Variants in ADAMTSL1 observed in about 807,000 individuals in gnomAD.
ADAMTSL1 encodes ADAMTS like 1.
A neutral mutation model predicts 201.8 loss-of-function variants in ADAMTSL1; 126 were observed. That is an observed-to-expected ratio of 0.62 (90% CI 0.54 to 0.72). The LOEUF is 0.72. ADAMTSL1 is among the 30% of genes least tolerant of loss of function. The pLI, the probability that ADAMTSL1 is intolerant of heterozygous loss-of-function variation, is 0.00. For synonymous variants in ADAMTSL1, 1,121 were observed against 903.4 expected, an observed-to-expected ratio of 1.24 and a Z score of -4.32; for missense variants, 2,679 against 2,277.8, an observed-to-expected ratio of 1.18 and a Z score of -3.59.
intron 25 of ADAMTSL1, chr9:18,890,607 T>C (rs968779183): frequency 2.2e-5 from 10 of 455,818 alleles, no homozygotes; most frequent in African/African-American, 2.0e-4. Flanking sequence ...ATATGAAACA[T>C]GCTCATTAAT....
chr9:18,072,596 T>C (rs943261168), intron 1 of ADAMTSL1, among the ~76,000 whole-genome samples: 7 of 152,254 alleles, frequency 4.6e-5, no homozygotes, highest in African/African-American at 9.6e-5. Flanking sequence ...ATCTCACAAA[T>C]AATGTTCCTT....
chr9:18,076,077 G>T (rs1823211285), intron 1 of ADAMTSL1, among the ~76,000 whole-genome samples: 1 of 152,184 alleles, frequency 6.6e-6, no homozygotes, highest in Non-Finnish European at 1.5e-5. Context: ...TTAGGTTCCT[G>T]TTTGGTTTCT....
intron 3 of ADAMTSL1, among the ~76,000 whole-genome samples, chr9:18,554,543 G>A (rs974881386): frequency 6.6e-6 from 1 of 151,682 alleles, no homozygotes; most frequent in Non-Finnish European, 1.5e-5. Context: ...TAAGTGAATT[G>A]TTTCCCAAAT....
chr9:17,977,105 T>C (rs944203956), intron 1 of ADAMTSL1, among the ~76,000 whole-genome samples: 5 of 152,148 alleles, frequency 3.3e-5, no homozygotes, highest in Non-Finnish European at 5.9e-5. Flanking sequence ...TCTTTCATTC[T>C]GTTAATGGGG....
intron 13 of ADAMTSL1, among the ~76,000 whole-genome samples, chr9:18,688,690 A>AAAAAAAAAAAAAC (rs34166830): frequency 3.5e-5 from 1 of 28,812 alleles, no homozygotes; most frequent in Non-Finnish European, 8.3e-5. Context: ...AAAAAAAAAA[A>AAAAAAAAAAAAAC]TATATATATA....
chr9:18,136,496 A>C (rs901668600), intron 1 of ADAMTSL1, among the ~76,000 whole-genome samples: 2 of 152,148 alleles, frequency 1.3e-5, no homozygotes, highest in African/African-American at 2.4e-5. Context: ...CTGTGTAAAC[A>C]GGTACAGAAT....
chr9:17,997,173 A>G (rs1302713585), intron 1 of ADAMTSL1, among the ~76,000 whole-genome samples: 1 of 152,122 alleles, frequency 6.6e-6, no homozygotes, highest in Non-Finnish European at 1.5e-5. Flanking sequence ...TGAAACTTGC[A>G]CAAGTATAAG....
chr9:18,157,703 C>G (rs921682701), intron 1 of ADAMTSL1, among the ~76,000 whole-genome samples: 2 of 151,972 alleles, frequency 1.3e-5, no homozygotes, highest in Admixed American at 6.6e-5. Flanking sequence ...AAACAGAATA[C>G]TGAAATGTTT....
At chr9:18,376,004 G>T (rs1837279794) in intron 2 of ADAMTSL1, among the ~76,000 whole-genome samples, 1 of 152,162 alleles carries the variant, frequency 6.6e-6, no homozygotes, top group Non-Finnish European at 1.5e-5. Flanking sequence ...TAGCTACAGA[G>T]TGCTGATTGG....
intron 2 of ADAMTSL1, among the ~76,000 whole-genome samples, chr9:18,458,008 T>C (rs1442034720): frequency 6.6e-6 from 1 of 152,208 alleles, no homozygotes; most frequent in African/African-American, 2.4e-5. Context: ...GTCAGTGATC[T>C]TGGCTTCTGG....
chr9:18,709,827 G>T (rs963125328), intron 14 of ADAMTSL1, among the ~76,000 whole-genome samples: 1 of 152,108 alleles, frequency 6.6e-6, no homozygotes, highest in East Asian at 1.9e-4. Flanking sequence ...AATCTAGCTG[G>T]GGGAATACTT....
At chr9:18,318,448 A>G (rs1328638665) in intron 2 of ADAMTSL1, among the ~76,000 whole-genome samples, 2 of 152,240 alleles carry the variant, frequency 1.3e-5, no homozygotes, top group Admixed American at 6.5e-5. Context: ...AATTCTGAGT[A>G]GCAGTAATCT....
At chr9:18,816,988 A>G (rs535835330) in intron 20 of ADAMTSL1, 121 bp from the exon 21 acceptor site, 1 of 1,281,028 alleles carries the variant, frequency 7.8e-7, no homozygotes, top group South Asian at 1.6e-5. Context: ...GAGAAAACAT[A>G]GTTAGTGGCA....
At chr9:18,250,077 G>A (rs1427775570) in intron 2 of ADAMTSL1, among the ~76,000 whole-genome samples, 2 of 152,192 alleles carry the variant, frequency 1.3e-5, no homozygotes, top group East Asian at 1.9e-4. Context: ...ATAGAAAAGT[G>A]TTATCAGTGT....
At chr9:18,499,089 T>G (rs1832746) in intron 1 of ADAMTSL1, among the ~76,000 whole-genome samples, 16,390 of 152,302 alleles carry the variant, frequency 0.11, 929 homozygotes, top group Non-Finnish European at 0.12. Context: ...TTGACTTTTC[T>G]CTTCAGTAGC....
At chr9:18,056,357 T>G (rs1378510381) in intron 1 of ADAMTSL1, among the ~76,000 whole-genome samples, 1 of 152,168 alleles carries the variant, frequency 6.6e-6, no homozygotes, top group African/African-American at 2.4e-5. Flanking sequence ...TAGTATGTAA[T>G]GGCTTAGACA....
chr9:18,427,094 G>T (rs1489589265), intron 2 of ADAMTSL1, among the ~76,000 whole-genome samples: 7 of 152,240 alleles, frequency 4.6e-5, no homozygotes, highest in African/African-American at 9.6e-5. Context: ...TTCCCAAATG[G>T]TTTTTTCTTC....
In ADAMTSL1 at chr9:18,810,264, G is replaced by A. The variant is rs934811013; in HGVS notation, c.3806-6845G>A. ...AAGGCCCCTGAACAGTCAAAATAGA[G>A]CCTATGCATGCATTCCAAGGTGAGC... On this transcript the variant is annotated intron_variant, in intron 20 of 28. Coordinates refer to ENST00000380548, the MANE Select transcript of ADAMTSL1 (RefSeq NM_001040272.6). Among the ~76,000 whole-genome samples, 8 of 152,158 alleles carry A rather than the reference G, an allele frequency of 5.3e-5. 1 individual carries two copies. Among genetic ancestry groups the A allele is most frequent in the Admixed American group, 5.2e-4 (8 of 15,282 alleles).
intron 1 of ADAMTSL1, among the ~76,000 whole-genome samples, chr9:18,148,758 T>C (rs1180644664): frequency 6.6e-6 from 1 of 152,034 alleles, no homozygotes; most frequent in Non-Finnish European, 1.5e-5. Flanking sequence ...TTTGGTAATA[T>C]ACTCAGGGGC....
Sources: allele counts gnomAD v4.1 joint callset (sites outside exome capture counted in the v4.1 genomes callset), GRCh38; gene constraint gnomAD v4.1.1; transcripts MANE v1.5; gene names NCBI Gene and HGNC (gene_info 2026-07-23, HGNC 2026-07-21).